Variants in ZFHX3 observed in about 807,000 individuals in gnomAD.
The protein encoded by ZFHX3 is zinc finger homeobox 3.
ZFHX3 carries 42 observed loss-of-function variants against 279.1 expected under a neutral mutation model. That is an observed-to-expected ratio of 0.15 (90% CI 0.12 to 0.19). The LOEUF is 0.19. Among genes scored for constraint, ZFHX3 ranks in the 10% least tolerant of loss-of-function variants. The pLI is 1.00. For synonymous variants in ZFHX3, 2,293 were observed against 1,957.8 expected, an observed-to-expected ratio of 1.17 and a Z score of -4.52; for missense variants, 4,981 against 4,754.0, an observed-to-expected ratio of 1.05 and a Z score of -1.40.
intron 1 of ZFHX3, among the ~76,000 whole-genome samples, chr16:73,838,139 GA>G (rs1198184480): frequency 1.3e-5 from 2 of 152,188 alleles, no homozygotes; most frequent in African/African-American, 4.8e-5. Flanking sequence ...GTCAGGTTTT[GA>G]CTGAATTTGG....
chr16:73,508,058 C>T (rs557752768), intron 2 of ZFHX3, among the ~76,000 whole-genome samples: 4 of 152,288 alleles, frequency 2.6e-5, no homozygotes, highest in Non-Finnish European at 5.9e-5. Context: ...CTCAAATGCT[C>T]ATTGATCCTA....
At chr16:73,281,764 T>C (rs2014463195) in intron 4 of ZFHX3, among the ~76,000 whole-genome samples, 1 of 152,228 alleles carries the variant, frequency 6.6e-6, no homozygotes, top group African/African-American at 2.4e-5. Flanking sequence ...ATATTAAATA[T>C]GCATAGCTTT....
intron 3 of ZFHX3, among the ~76,000 whole-genome samples, chr16:73,322,867 G>A (rs1025844838): frequency 1.3e-5 from 2 of 152,166 alleles, no homozygotes; most frequent in Non-Finnish European, 2.9e-5. Context: ...TCTAGCTGAC[G>A]GTCAGCAAAC....
intron 1 of ZFHX3, among the ~76,000 whole-genome samples, chr16:72,973,033 A>G (rs1173483929): frequency 6.6e-6 from 1 of 152,150 alleles, no homozygotes. Flanking sequence ...TGCGGTTTCA[A>G]TTACTGAAAT....
At chr16:73,852,573 T>G (rs1223337814) in intron 1 of ZFHX3, among the ~76,000 whole-genome samples, 2 of 152,184 alleles carry the variant, frequency 1.3e-5, no homozygotes, top group South Asian at 4.1e-4. Flanking sequence ...GTTTATGAAC[T>G]GACATGATCT....
At chr16:73,527,998 A>G (rs2065765338) in intron 2 of ZFHX3, among the ~76,000 whole-genome samples, 1 of 152,256 alleles carries the variant, frequency 6.6e-6, no homozygotes, top group Admixed American at 6.5e-5. Context: ...TTTGTTATGT[A>G]TCAATAGAAA....
intron 5 of ZFHX3, among the ~76,000 whole-genome samples, chr16:73,158,915 T>G (rs556497203): frequency 2.6e-5 from 4 of 152,054 alleles, no homozygotes; most frequent in African/African-American, 7.3e-5. Context: ...TTAAATCATA[T>G]GCAAAAATCA....
At chr16:73,325,928 A>AAACACACACAC (rs368062772) in intron 3 of ZFHX3, among the ~76,000 whole-genome samples, 24 of 145,490 alleles carry the variant, frequency 1.6e-4, no homozygotes, top group Non-Finnish European at 2.6e-4. Flanking sequence ...CACACACACA[A>AAACACACACAC]ACACACACAC....
At chr16:73,226,429 T>G (rs549829440) in intron 5 of ZFHX3, among the ~76,000 whole-genome samples, 4 of 152,262 alleles carry the variant, frequency 2.6e-5, no homozygotes, top group Non-Finnish European at 5.9e-5. Context: ...AGTGCGCTCC[T>G]GCTTTAGTCA....
intron 1 of ZFHX3, chr16:73,005,971 G>A (rs1263982734): frequency 6.6e-6 from 1 of 152,136 alleles, no homozygotes; most frequent in Non-Finnish European, 1.5e-5. Flanking sequence ...CAGTATATGA[G>A]AAAGCTAATT....
chr16:73,599,217 T>G (rs976943915), intron 2 of ZFHX3, among the ~76,000 whole-genome samples: 2 of 152,218 alleles, frequency 1.3e-5, no homozygotes, highest in Non-Finnish European at 2.9e-5. Flanking sequence ...CTGTTATCCC[T>G]CCATTAGCCA....
intron 3 of ZFHX3, among the ~76,000 whole-genome samples, chr16:73,356,130 G>T (rs1034058538): frequency 6.6e-6 from 1 of 152,166 alleles, no homozygotes; most frequent in Admixed American, 6.5e-5. Context: ...AAACCAACCA[G>T]GTTTTCGTTG....
chr16:73,674,938 C>A (rs1321291543), intron 2 of ZFHX3, among the ~76,000 whole-genome samples: 2 of 152,130 alleles, frequency 1.3e-5, no homozygotes, highest in African/African-American at 4.8e-5. Flanking sequence ...TACTGGCCTA[C>A]AGCACCATGC....
chr16:73,701,997 G>A (rs2053252935), intron 1 of ZFHX3, among the ~76,000 whole-genome samples: 1 of 152,084 alleles, frequency 6.6e-6, no homozygotes, highest in Non-Finnish European at 1.5e-5. Context: ...ATACACAGCT[G>A]ATGTTTTGTA....
chr16:73,001,432 G>A (rs571988493), intron 1 of ZFHX3, among the ~76,000 whole-genome samples: 11 of 152,288 alleles, frequency 7.2e-5, no homozygotes, highest in Admixed American at 1.3e-4. Flanking sequence ...AAGATAATAA[G>A]TGCTTGCCAT....
At chr16:73,447,778 G>A (rs545827022) in intron 3 of ZFHX3, among the ~76,000 whole-genome samples, 2 of 152,188 alleles carry the variant, frequency 1.3e-5, no homozygotes, top group African/African-American at 2.4e-5. Flanking sequence ...AGGTCTACAC[G>A]GAGCTCTACA....
chr16:72,988,476 G>T (rs925385602), intron 1 of ZFHX3, among the ~76,000 whole-genome samples: 1 of 152,164 alleles, frequency 6.6e-6, no homozygotes, highest in Non-Finnish European at 1.5e-5. Flanking sequence ...TCTGATTAAG[G>T]GATTCACTCC....
At chr16:73,033,954 A>G (rs909774552) in intron 1 of ZFHX3, among the ~76,000 whole-genome samples, 1 of 152,164 alleles carries the variant, frequency 6.6e-6, no homozygotes, top group Non-Finnish European at 1.5e-5. Context: ...TCTAGGGTAC[A>G]TTTCACAGTG....
At chr16:73,812,028 C>T (rs1239140399) in intron 1 of ZFHX3, among the ~76,000 whole-genome samples, 1 of 152,164 alleles carries the variant, frequency 6.6e-6, no homozygotes, top group African/African-American at 2.4e-5. Context: ...ATTAAATAAC[C>T]TACCCCCAAG....
Sources: allele counts gnomAD v4.1 joint callset (sites outside exome capture counted in the v4.1 genomes callset), GRCh38; gene constraint gnomAD v4.1.1; transcripts MANE v1.5; gene names NCBI Gene and HGNC (gene_info 2026-07-23, HGNC 2026-07-21).